Variants in ABCG8 observed in about 807,000 individuals in gnomAD.
ABCG8 encodes the protein ATP-binding cassette sub-family G member 8.
ABCG8 carries 81 observed loss-of-function variants against 71.3 expected under a neutral mutation model. That is an observed-to-expected ratio of 1.14 (90% CI 0.95 to 1.37). ABCG8 has a LOEUF of 1.37. ABCG8 is among the 40% of genes most tolerant of loss of function. ABCG8 has a pLI of 0.00. For missense variants in ABCG8, 1,119 were observed against 866.2 expected, an observed-to-expected ratio of 1.29 and a Z score of -3.66; for synonymous variants, 451 against 354.7, an observed-to-expected ratio of 1.27 and a Z score of -3.05.
intron 6 of ABCG8, among the ~76,000 whole-genome samples, chr2:43,870,475 T>C (rs556552786): frequency 6.6e-6 from 1 of 152,124 alleles, no homozygotes; most frequent in East Asian, 1.9e-4. Flanking sequence ...CTGGGTAGTA[T>C]TCTCACTCTC....
intron 6 of ABCG8, among the ~76,000 whole-genome samples, chr2:43,854,084 G>T (rs1362123276): frequency 6.6e-6 from 1 of 152,216 alleles, no homozygotes; most frequent in Non-Finnish European, 1.5e-5. Context: ...CCAGAGAGGG[G>T]TTACCAGAAG....
At chr2:43,845,118 AT>A (rs1438271395) in intron 2 of ABCG8, among the ~76,000 whole-genome samples, 17 of 139,620 alleles carry the variant, frequency 1.2e-4, no homozygotes, top group South Asian at 4.4e-4. Context: ...ATATATATAT[AT>A]AATTTTTTTT....
rs368998235 is a variant in ABCG8 at position 43,839,089 on chromosome 2, G to A, written c.36G>A (p.Pro12=). The change falls in exon 1 of 13, where the codon CCG becomes CCA. Residue 12 remains proline, a synonymous_variant. Transcript: ENST00000272286. Reference sequence around the variant, plus strand: ...AGGCGGCAGAGGAGAGAGGGCTGCCGAAAGGGGCCACTCCCCAGGATACCT... The same window carrying A: ...AGGCGGCAGAGGAGAGAGGGCTGCCAAAAGGGGCCACTCCCCAGGATACCT... ...AGKAAEERGL[P]KGATPQDTSG... 37 of 1,551,170 alleles carry A rather than the reference G, an allele frequency of 2.4e-5. No individual in the cohort carries two copies. Among genetic ancestry groups the A allele is most frequent in the Non-Finnish European group, 3.0e-5 (34 of 1,146,826 alleles).
intron 1 of ABCG8, among the ~76,000 whole-genome samples, chr2:43,839,403 CTTTTTTTTTTTTTTTTTTTTTTTTTT>C (rs537784677): frequency 1.2e-4 from 7 of 59,310 alleles, no homozygotes; most frequent in African/African-American, 1.7e-4. Context: ...CTTTTCTTCT[CTTTTTTTTTTTTTTTTTTTTTTTTTT>C]TTTTTTTTTT....
At chr2:43,865,749 C>G (rs902380433) in intron 6 of ABCG8, among the ~76,000 whole-genome samples, 4 of 152,082 alleles carry the variant, frequency 2.6e-5, no homozygotes, top group South Asian at 2.1e-4. Context: ...TTCTTAATCT[C>G]TGGATAGAAG....
Position 43,852,501 on chromosome 2 carries a change from G to A in ABCG8, c.694+15G>A. On this transcript the variant is annotated intron_variant, in intron 5 of 12. Transcript: ENST00000272286. ...GTGGAACCCAGGTGAGGGCCTGGGG[G>A]GCAGATGGGGGCAGAGGGACCTGTG... The A allele has an allele frequency of 6.2e-7, 1 of 1,613,484 alleles. No homozygotes were observed. Among genetic ancestry groups the A allele is most frequent in the Non-Finnish European group, 8.5e-7 (1 of 1,179,736 alleles).
chr2:43,855,164 C>G (rs184545261), intron 6 of ABCG8, among the ~76,000 whole-genome samples: 2 of 152,254 alleles, frequency 1.3e-5, no homozygotes, highest in East Asian at 3.9e-4. Flanking sequence ...ATAGAACTCT[C>G]AATATCTATC....
At chr2:43,863,143 C>G (rs1669390177) in intron 6 of ABCG8, among the ~76,000 whole-genome samples, 1 of 151,412 alleles carries the variant, frequency 6.6e-6, no homozygotes, top group Non-Finnish European at 1.5e-5. Flanking sequence ...GGATATAACT[C>G]TCACTATCTG....
intron 8 of ABCG8, among the ~76,000 whole-genome samples, chr2:43,872,754 C>A (rs570550203): frequency 6.6e-6 from 1 of 152,092 alleles, no homozygotes; most frequent in Non-Finnish European, 1.5e-5. Flanking sequence ...ACCTTCAGTG[C>A]GACACAGAAC....
intron 8 of ABCG8, 74 bp downstream of exon 8, chr2:43,872,380 A>G (rs1669814015): frequency 6.8e-7 from 1 of 1,464,280 alleles, no homozygotes; most frequent in Non-Finnish European, 9.4e-7. Flanking sequence ...AGCCCTTTCT[A>G]TTAAAGTGAA....
At chr2:43,845,329 G>C (rs1215439744) in intron 2 of ABCG8, among the ~76,000 whole-genome samples, 1 of 151,948 alleles carries the variant, frequency 6.6e-6, no homozygotes, top group Non-Finnish European at 1.5e-5. Flanking sequence ...GTGGGTGTGA[G>C]TTGGGACAAG....
At chr2:43,858,291 A>G (rs573456780) in intron 6 of ABCG8, among the ~76,000 whole-genome samples, 1 of 150,452 alleles carries the variant, frequency 6.6e-6, no homozygotes, top group Admixed American at 6.6e-5. Flanking sequence ...ACTGGATAGA[A>G]TTCTTATTCT....
At chr2:43,875,872 C>A (rs1420991240) in intron 11 of ABCG8, among the ~76,000 whole-genome samples, 4 of 152,038 alleles carry the variant, frequency 2.6e-5, no homozygotes, top group African/African-American at 9.7e-5. Context: ...TCAAATCTTC[C>A]CAGGGTTGCT....
At chr2:43,870,544 ACTAT>A (rs540249356) in intron 6 of ABCG8, among the ~76,000 whole-genome samples, 97 of 150,754 alleles carry the variant, frequency 6.4e-4, no homozygotes, top group African/African-American at 2.2e-3. Flanking sequence ...TAGAACTCTC[ACTAT>A]CTGTCTGGGT....
intron 10 of ABCG8, 37 bp downstream of exon 10, chr2:43,874,520 C>A (rs376605071): frequency 2.0e-6 from 3 of 1,513,918 alleles, no homozygotes; most frequent in East Asian, 2.3e-5. Flanking sequence ...GCCCCCCACC[C>A]ACCAGGGTGG....
chr2:43,858,408 A>G (rs1022190618), intron 6 of ABCG8, among the ~76,000 whole-genome samples: 1 of 151,318 alleles, frequency 6.6e-6, no homozygotes, highest in Non-Finnish European at 1.5e-5. Context: ...CTCACTATCT[A>G]TCTGGATAGA....
intron 6 of ABCG8, among the ~76,000 whole-genome samples, chr2:43,854,498 T>A (rs57839994): frequency 0.054 from 8,207 of 151,974 alleles, 273 homozygotes; most frequent in Middle Eastern, 0.11. Flanking sequence ...TGCGTGACGC[T>A]TGCCTATAGT....
In ABCG8 at chr2:43,875,163, G is replaced by A. The variant is rs145756111; in HGVS notation, c.1506G>A (p.Pro502=). Residue 502 remains proline, a synonymous_variant, in exon 11 of 13, where the codon CCG becomes CCA. Coordinates refer to ENST00000272286, the MANE Select transcript of ABCG8 (RefSeq NM_022437.3). ...YFFAKILGEL[P]EHCAYIIIYG... is the part of the protein sequence containing the mutation. ...CTTTGCAGATCCTCGGGGAGCTTCC[G>A]GAGCACTGTGCCTACATCATCATCT... 7,968 of 1,614,202 alleles carry A rather than the reference G, an allele frequency of 4.9e-3. 32 individuals are homozygous for A. Among genetic ancestry groups the A allele is most frequent in the South Asian group, 7.3e-3 (662 of 91,088 alleles).
intron 6 of ABCG8, among the ~76,000 whole-genome samples, chr2:43,861,178 C>G (rs1669304411): frequency 6.6e-6 from 1 of 151,368 alleles, no homozygotes. Context: ...AGAATTCTCA[C>G]CATCTAGATA....
Sources: gnomAD v4.1 joint callset for allele counts (sites outside exome capture counted in the v4.1 genomes callset) on GRCh38, gnomAD v4.1.1 for gene constraint, MANE v1.5 for transcripts, NCBI Gene and HGNC (gene_info 2026-07-23, HGNC 2026-07-21) for gene names.